The following MYO1H variants were observed in gnomAD, a reference collection of about 807,000 sequenced individuals.
MYO1H encodes myosin IH, also known as unconventional myosin-Ih.
In MYO1H, 118 loss-of-function variants were observed where a neutral mutation model predicts 149.3. The ratio of observed to expected loss-of-function variants is 0.79; its 90% CI spans 0.68 to 0.92. The LOEUF (loss-of-function observed/expected upper bound fraction) is 0.92, where lower values mean the gene tolerates loss of function less well. MYO1H is among the 40% of genes least tolerant of loss of function. The probability of loss-of-function intolerance (pLI) is 0.00; values close to 1 mark genes in which losing one functional copy is unlikely to be tolerated. For missense variants in MYO1H, 1,212 were observed against 1,280.7 expected (o/e 0.95, Z 0.82); for synonymous variants, 447 against 465.2 (o/e 0.96, Z 0.50).
chr12:109,318,305 T>C, the MYO1H span, among the ~76,000 whole-genome samples: 2 of 152,200 alleles, frequency 1.3e-5, no homozygotes, highest in Non-Finnish European at 2.9e-5. Context: ...TAGAAAAGAA[T>C]TTATAAATAT....
chr12:109,361,932 C>T (rs1868762755), intron 1 of MYO1H, among the ~76,000 whole-genome samples: 3 of 151,604 alleles, frequency 2.0e-5, no homozygotes. Flanking sequence ...GTTAATCTTG[C>T]ATCAATGCAA....
intron 10 of MYO1H, among the ~76,000 whole-genome samples, chr12:109,408,712 G>T (rs1359724878): frequency 2.6e-5 from 4 of 151,932 alleles, no homozygotes; most frequent in Non-Finnish European, 5.9e-5. Flanking sequence ...CACAAAAGAT[G>T]ATTTTGGAGG....
At chr12:109,374,154 A>G (rs1335884755) in intron 1 of MYO1H, among the ~76,000 whole-genome samples, 2 of 152,262 alleles carry the variant, frequency 1.3e-5, no homozygotes, top group African/African-American at 4.8e-5. Context: ...TGTACACAGC[A>G]TGACTGAATT....
the MYO1H span, among the ~76,000 whole-genome samples, chr12:109,322,819 C>CAAAA: frequency 2.6e-5 from 2 of 77,094 alleles, no homozygotes; most frequent in African/African-American, 4.9e-5. Context: ...GACTCCGTCT[C>CAAAA]AAAAAAAAAA....
intron 18 of MYO1H, 49 bp from the exon 19 acceptor site, chr12:109,427,420 T>A (rs765342868): frequency 7.9e-7 from 1 of 1,261,148 alleles, no homozygotes; most frequent in Non-Finnish European, 1.2e-6. Context: ...TTGGTTGATA[T>A]GAAGCCATGG....
At position 109,432,894 on chromosome 12, in the gene MYO1H, T is replaced by G; in HGVS notation, c.1950-3T>G. 6.2e-7 allele frequency: 1 copy of G among 1,613,498 alleles called. No homozygotes were observed. Among genetic ancestry groups the G allele is most frequent in the Non-Finnish European group, 8.5e-7 (1 of 1,179,450 alleles). The stretch of plus-strand genomic sequence containing the variant: ...GCTTCTCCATGTCCATCTCCTCTCC[T>G]AGGTACAAGTCCTTATGCCCAGACA... On this transcript the variant is annotated splice_polypyrimidine_tract_variant and splice_region_variant and intron_variant, in intron 19 of 31. Transcript: ENST00000310903.
intron 1 of MYO1H, among the ~76,000 whole-genome samples, chr12:109,361,647 A>T (rs1325901166): frequency 1.3e-5 from 2 of 151,778 alleles, no homozygotes; most frequent in Non-Finnish European, 2.9e-5. Flanking sequence ...CTCTATGAAA[A>T]TTTTTTTAAA....
chr12:109,363,769 C>T (rs116281953), intron 1 of MYO1H, among the ~76,000 whole-genome samples: 1 of 151,928 alleles, frequency 6.6e-6, no homozygotes, highest in Non-Finnish European at 1.5e-5. Context: ...GAAGATGTAC[C>T]TCTGGGAGAA....
chr12:109,329,033 C>CTT, the MYO1H span, among the ~76,000 whole-genome samples: 8 of 132,088 alleles, frequency 6.1e-5, no homozygotes, highest in South Asian at 2.4e-4. Flanking sequence ...TCTTTTTTTT[C>CTT]TTTTTTTTTT....
At chr12:109,434,234 T>A (rs2164744) in intron 20 of MYO1H, among the ~76,000 whole-genome samples, 1 of 151,934 alleles carries the variant, frequency 6.6e-6, no homozygotes, top group Admixed American at 6.6e-5. Context: ...GGTCTCAAAC[T>A]CCTGACCTCA....
In MYO1H at chr12:109,443,337, C is replaced by T. The variant is rs186217510; in HGVS notation, c.2689-177C>T. Among the ~76,000 whole-genome samples the T allele has an allele frequency of 3.3e-3, 424 of 130,324 alleles. 86 individuals are homozygous for T. The highest frequency in any genetic ancestry group is 6.7e-3 in the South Asian group (24 of 3,590). The allele number at this position is 130,324 out of a possible 152,430, so 85.5% of individuals were successfully genotyped here. ...GTATATATGTGTGTATGTATGTGTA[C>T]GTATATATGTGTGTATATACACACA... On this transcript the variant is annotated intron_variant, in intron 27 of 31. Coordinates refer to ENST00000310903, the Ensembl canonical transcript of MYO1H.
At chr12:109,401,353 T>C (rs1394918722) in intron 6 of MYO1H, 81 bp downstream of exon 6, 1 of 1,399,936 alleles carries the variant, frequency 7.1e-7, no homozygotes, top group African/African-American at 1.4e-5. Flanking sequence ...TGTAGGATGT[T>C]TGAGACATTC....
At chr12:109,320,818 G>A in the MYO1H span, among the ~76,000 whole-genome samples, 4 of 152,070 alleles carry the variant, frequency 2.6e-5, no homozygotes, top group East Asian at 1.9e-4. Context: ...GGCTGGGCGT[G>A]GTGGCTCATG....
At chr12:109,313,813 C>T in the MYO1H span, among the ~76,000 whole-genome samples, 1 of 152,098 alleles carries the variant, frequency 6.6e-6, no homozygotes, top group Non-Finnish European at 1.5e-5. Flanking sequence ...ATAATAACCT[C>T]ATTTAATTTT....
chr12:109,348,685 A>G (rs1209858691), intron 1 of MYO1H, among the ~76,000 whole-genome samples: 2 of 152,230 alleles, frequency 1.3e-5, no homozygotes, highest in African/African-American at 4.8e-5. Context: ...GCCTCTTTCC[A>G]GGAGTTAATT....
At chr12:109,392,333 C>T (rs1288481717) in intron 2 of MYO1H, among the ~76,000 whole-genome samples, 3 of 152,232 alleles carry the variant, frequency 2.0e-5, no homozygotes, top group African/African-American at 7.2e-5. Context: ...CCTAGCCTGC[C>T]TCATGTATCC....
intron 26 of MYO1H, 104 bp downstream of exon 26, chr12:109,441,812 C>G: frequency 1.4e-6 from 1 of 727,462 alleles, no homozygotes; most frequent in Non-Finnish European, 2.2e-6. Flanking sequence ...TTTGGGAGGC[C>G]GAGGTGGGCG....
chr12:109,319,442 T>A, the MYO1H span, among the ~76,000 whole-genome samples: 1 of 152,072 alleles, frequency 6.6e-6, no homozygotes, highest in Non-Finnish European at 1.5e-5. Context: ...TGGGAGTGCT[T>A]GTTTAATAGA....
At chr12:109,386,227 A>C (rs1869303737) in intron 1 of MYO1H, among the ~76,000 whole-genome samples, 1 of 152,200 alleles carries the variant, frequency 6.6e-6, no homozygotes, top group Admixed American at 6.5e-5. Context: ...TCTATTGTAC[A>C]GATGGGCCAC....
Sources: allele counts gnomAD v4.1 joint callset (sites outside exome capture counted in the v4.1 genomes callset), GRCh38; gene constraint gnomAD v4.1.1; transcripts MANE v1.5; gene names NCBI Gene and HGNC (gene_info 2026-07-23, HGNC 2026-07-21).